PCSK2: variants seen among roughly 807,000 people sequenced by gnomAD.
PCSK2 encodes proprotein convertase subtilisin/kexin type 2, also known as neuroendocrine convertase 2.
A neutral mutation model predicts 69.7 loss-of-function variants in PCSK2; 14 were observed. That is an observed-to-expected ratio of 0.20 (90% CI 0.13 to 0.31). The LOEUF (loss-of-function observed/expected upper bound fraction) is 0.31. Among genes scored for constraint, PCSK2 ranks in the 10% least tolerant of loss-of-function variants. PCSK2 has a pLI of 1.00. For missense variants in PCSK2, 544 were observed against 842.5 expected, an observed-to-expected ratio of 0.65 and a Z score of 4.39; for synonymous variants, 307 against 320.7, an observed-to-expected ratio of 0.96 and a Z score of 0.46.
At chr20:17,392,611 C>T (rs751427201) in intron 5 of PCSK2, among the ~76,000 whole-genome samples, 1 of 152,180 alleles carries the variant, frequency 6.6e-6, no homozygotes, top group Non-Finnish European at 1.5e-5. Context: ...ACTCGCAGTC[C>T]TGGCAACCAC....
chr20:17,445,843 G>A (rs1201219351), intron 8 of PCSK2, among the ~76,000 whole-genome samples: 3 of 152,256 alleles, frequency 2.0e-5, no homozygotes, highest in African/African-American at 7.2e-5. Context: ...CTTGGAAACA[G>A]CTGGTGCCGT....
intron 11 of PCSK2, among the ~76,000 whole-genome samples, chr20:17,478,651 A>C (rs2033334760): frequency 6.6e-6 from 1 of 152,228 alleles, no homozygotes; most frequent in African/African-American, 2.4e-5. Context: ...AGTTTTAAAA[A>C]ATGAAAAGAT....
At chr20:17,414,959 G>T (rs1157973770) in intron 6 of PCSK2, among the ~76,000 whole-genome samples, 1 of 152,166 alleles carries the variant, frequency 6.6e-6, no homozygotes, top group East Asian at 1.9e-4. Flanking sequence ...AACAGATGCA[G>T]AAAAGGCCTT....
At chr20:17,424,792 TTTA>T (rs574023644) in intron 6 of PCSK2, among the ~76,000 whole-genome samples, 1 of 142,134 alleles carries the variant, frequency 7.0e-6, no homozygotes, top group East Asian at 2.1e-4. Flanking sequence ...CGCCCAGCCT[TTTA>T]TTTTTATTTG....
chr20:17,281,738 G>C (rs1171469657), intron 2 of PCSK2, among the ~76,000 whole-genome samples: 2 of 152,112 alleles, frequency 1.3e-5, no homozygotes, highest in Non-Finnish European at 2.9e-5. Flanking sequence ...GCAGGCCATG[G>C]CCAGCCTATG....
At position 17,483,491 on chromosome 20, in the gene PCSK2, A is replaced by G. The variant is rs1411388498; in HGVS notation, c.*1421A>G. On this transcript the variant is annotated 3_prime_UTR_variant, in exon 12 of 12. Coordinates refer to ENST00000262545, the MANE Select transcript of PCSK2 (RefSeq NM_002594.5). The stretch of plus-strand genomic sequence containing the variant: ...CAGTCCCAATGCACATCCATTCCCA[A>G]GAAATGCTTTGTCTTCAGCCTCTCC... 3.9e-5 allele frequency: 6 copies of G among 152,286 alleles called. No individual in the cohort carries two copies. The highest frequency in any genetic ancestry group is 1.4e-4 in the African/African-American group (6 of 41,458). 9.4% of individuals were successfully genotyped at this position (152,286 alleles called of 1,614,324 possible). A position where few individuals can be genotyped will look rare whatever the true frequency, so the allele number is the denominator to read the frequency against.
intron 8 of PCSK2, among the ~76,000 whole-genome samples, chr20:17,447,728 C>T (rs1001029605): frequency 6.6e-6 from 1 of 152,192 alleles, no homozygotes; most frequent in East Asian, 1.9e-4. Flanking sequence ...CTAGAGACAG[C>T]ATTCCATGTA....
At chr20:17,353,289 T>C (rs1240957537) in intron 2 of PCSK2, among the ~76,000 whole-genome samples, 1 of 105,022 alleles carries the variant, frequency 9.5e-6, no homozygotes, top group African/African-American at 3.8e-5. Context: ...TGTGAAACCC[T>C]GTCTCCAAAA....
intron 10 of PCSK2, among the ~76,000 whole-genome samples, chr20:17,459,122 G>A (rs1039270526): frequency 1.3e-5 from 2 of 152,130 alleles, no homozygotes; most frequent in Admixed American, 6.5e-5. Context: ...ACTCTTTAGC[G>A]AGTATAGTAT....
chr20:17,435,001 A>G (rs1475429441), intron 7 of PCSK2, among the ~76,000 whole-genome samples: 2 of 152,252 alleles, frequency 1.3e-5, no homozygotes, highest in African/African-American at 4.8e-5. Flanking sequence ...AAAATGAACC[A>G]TAAAATTTAA....
chr20:17,263,825 G>T (rs1987488678), intron 2 of PCSK2, among the ~76,000 whole-genome samples: 1 of 152,258 alleles, frequency 6.6e-6, no homozygotes, highest in South Asian at 2.1e-4. Context: ...GGGACAATGT[G>T]TCTGGAAGGT....
At chr20:17,479,235 A>T in intron 11 of PCSK2, 2 of 1,281,462 alleles carry the variant, frequency 1.6e-6, no homozygotes, top group Non-Finnish European at 2.3e-6. Flanking sequence ...TGCACATTTC[A>T]CAATACATTT....
At chr20:17,471,218 T>C (rs2033195585) in intron 11 of PCSK2, among the ~76,000 whole-genome samples, 1 of 152,216 alleles carries the variant, frequency 6.6e-6, no homozygotes, top group Admixed American at 6.5e-5. Context: ...CATCATAATC[T>C]GCATACATGT....
intron 2 of PCSK2, among the ~76,000 whole-genome samples, chr20:17,321,595 C>T (rs565946713): frequency 2.6e-5 from 4 of 152,200 alleles, no homozygotes; most frequent in Admixed American, 6.5e-5. Context: ...TGAAGAGCAT[C>T]ATGCTCTGAT....
chr20:17,453,716 G>A lies in PCSK2; in HGVS notation c.886-26G>A, dbSNP rs759256403. 25 of 1,608,998 alleles carry A rather than the reference G, an allele frequency of 1.6e-5. No individual in the cohort carries two copies. Among genetic ancestry groups the A allele is most frequent in the African/African-American group, 2.7e-5 (2 of 74,914 alleles). On this transcript the variant is annotated intron_variant, in intron 8 of 11. Transcript: ENST00000262545. This position sits in a 1 kb window ranked among gnomAD's most constrained non-coding sequence, Gnocchi z 4.0. ...CCTCGCAGCCCAGGCTGTGGGTAGCGGCAGCGTCTCCCCTGCTCTCCCCAG... is the reference window on the plus strand; with the variant it reads ...CCTCGCAGCCCAGGCTGTGGGTAGCAGCAGCGTCTCCCCTGCTCTCCCCAG...
chr20:17,448,068 T>G (rs6044824), intron 8 of PCSK2, among the ~76,000 whole-genome samples: 1 of 152,204 alleles, frequency 6.6e-6, no homozygotes, highest in African/African-American at 2.4e-5. Flanking sequence ...ATTTTCATAG[T>G]AAAGAATACA....
chr20:17,370,279 CAA>C (rs2030719580), intron 5 of PCSK2, among the ~76,000 whole-genome samples: 1 of 152,112 alleles, frequency 6.6e-6, no homozygotes, highest in African/African-American at 2.4e-5. Context: ...GGTTACCCAG[CAA>C]AAAGTGTTTG....
At position 17,433,813 on chromosome 20, in the gene PCSK2, C is replaced by CTCTCTCT. The variant is rs59651477; in HGVS notation, c.710-2895_710-2894insTCTCTCT. ...TCTCTCTCTCTCTCTCTCTCTCTCT[C>CTCTCTCT]CCCCCACTTCCTTCCCTCCTCCTCC... is the stretch of plus-strand genomic sequence containing the variant. On this transcript the variant is annotated intron_variant, in intron 7 of 11. Coordinates refer to ENST00000262545, the MANE Select transcript of PCSK2 (RefSeq NM_002594.5). Among the ~76,000 whole-genome samples, 192 of 98,700 alleles carry CTCTCTCT rather than the reference C, an allele frequency of 1.9e-3. 18 individuals are homozygous for CTCTCTCT. Among genetic ancestry groups the CTCTCTCT allele is most frequent in the African/African-American group, 2.5e-3 (57 of 22,728 alleles). 64.8% of individuals were successfully genotyped at this position (98,700 alleles called of 152,430 possible).
At chr20:17,234,361 A>G (rs1425571479) in intron 1 of PCSK2, among the ~76,000 whole-genome samples, 1 of 152,202 alleles carries the variant, frequency 6.6e-6, no homozygotes, top group Non-Finnish European at 1.5e-5. Flanking sequence ...CTCCTTGACT[A>G]TGACTACAGT....
Sources: gnomAD v4.1 joint callset for allele counts (sites outside exome capture counted in the v4.1 genomes callset) on GRCh38, gnomAD v4.1.1 for gene constraint, Gnocchi (gnomAD v3.1) non-coding constraint, MANE v1.5 for transcripts, NCBI Gene and HGNC (gene_info 2026-07-23, HGNC 2026-07-21) for gene names.